The following LRP1B variants were observed in gnomAD, a reference collection of about 807,000 sequenced individuals.
LRP1B encodes the protein low-density lipoprotein receptor-related protein 1B.
In LRP1B, 217 loss-of-function variants were observed where a neutral mutation model predicts 556.6. The ratio of observed to expected loss-of-function variants is 0.39; its 90% confidence interval spans 0.35 to 0.44. LRP1B has a LOEUF of 0.44. Ranked by LOEUF, LRP1B falls within the 20% of genes least tolerant of loss-of-function variation. The pLI is 1.00. For missense variants in LRP1B, 5,053 were observed against 5,620.8 expected, an observed-to-expected ratio of 0.90 and a Z score of 3.23; for synonymous variants, 2,047 against 1,865.8, an observed-to-expected ratio of 1.10 and a Z score of -2.50.
At chr2:141,635,669 T>C (rs1689086472) in intron 2 of LRP1B, among the ~76,000 whole-genome samples, 1 of 152,200 alleles carries the variant, frequency 6.6e-6, no homozygotes, top group African/African-American at 2.4e-5. Context: ...CATATAGCCT[T>C]GTAGAGTAAC....
chr2:141,826,354 GTTTT>G (rs70994454), intron 1 of LRP1B, among the ~76,000 whole-genome samples: 1 of 97,072 alleles, frequency 1.0e-5, no homozygotes. Context: ...CTTTTCAGAA[GTTTT>G]TTTTTTTTTT....
chr2:141,282,257 T>C (rs1685537315), intron 3 of LRP1B, among the ~76,000 whole-genome samples: 1 of 151,978 alleles, frequency 6.6e-6, no homozygotes. Context: ...GTTAATAATA[T>C]AAATAAAACA....
rs765255791 is a variant in LRP1B at position 140,770,886 on chromosome 2, C to T, written c.5621G>A (p.Cys1874Tyr). Reference sequence around the variant, plus strand: ...GGTTTTTCATGAACTCATACCTTGACATGACATACGGTTCTTTTGGAGATA... The same window carrying T: ...GGTTTTTCATGAACTCATACCTTGATATGACATACGGTTCTTTTGGAGATA... ...GYYLQKNRMSCQGIESFLMYS... is the reference protein window; with the variant it reads ...GYYLQKNRMSYQGIESFLMYS... Residue 1874 changes from cysteine (C) to tyrosine (Y), a missense_variant, in exon 34 of 91, where the codon TGT (cysteine) becomes TAT (tyrosine). Physicochemically the swap from Cys to Tyr is radical, Grantham distance 194. Transcript: ENST00000389484. 8 of 1,554,526 alleles carry T rather than the reference C, an allele frequency of 5.1e-6. No homozygotes were observed. Among genetic ancestry groups the T allele is most frequent in the Non-Finnish European group, 8.6e-7 (1 of 1,157,756 alleles).
chr2:141,663,813 A>C (rs1474184856), intron 2 of LRP1B, among the ~76,000 whole-genome samples: 1 of 151,968 alleles, frequency 6.6e-6, no homozygotes, highest in African/African-American at 2.4e-5. Flanking sequence ...ACTGAAAAGA[A>C]GGGACTCCTC....
intron 41 of LRP1B, among the ~76,000 whole-genome samples, chr2:140,627,363 C>G (rs1428425407): frequency 6.6e-6 from 1 of 152,126 alleles, no homozygotes; most frequent in African/African-American, 2.4e-5. Context: ...CAGAGGAACG[C>G]AGAAGGACTA....
At chr2:140,349,075 A>G (rs973504266) in intron 77 of LRP1B, among the ~76,000 whole-genome samples, 4 of 152,080 alleles carry the variant, frequency 2.6e-5, no homozygotes, top group African/African-American at 9.7e-5. Flanking sequence ...CTGCTCTGAC[A>G]GGGTGCAGAG....
At chr2:140,311,609 TCACCACTA>T (rs1248024638) in intron 83 of LRP1B, among the ~76,000 whole-genome samples, 3 of 151,760 alleles carry the variant, frequency 2.0e-5, no homozygotes, top group Admixed American at 1.3e-4. Context: ...AGTCCAGACT[TCACCACTA>T]CACAATATAT....
intron 23 of LRP1B, among the ~76,000 whole-genome samples, chr2:140,893,630 G>A (rs564699967): frequency 1.3e-5 from 2 of 152,066 alleles, no homozygotes; most frequent in African/African-American, 2.4e-5. Flanking sequence ...ATACATGATC[G>A]TATTTTAGGT....
At chr2:140,246,757 T>C (rs953075698) in intron 87 of LRP1B, among the ~76,000 whole-genome samples, 1 of 151,500 alleles carries the variant, frequency 6.6e-6, no homozygotes, top group Non-Finnish European at 1.5e-5. Context: ...TTTTTCTTCC[T>C]GGAGCATTTT....
At chr2:140,635,935 T>TTATTCTTAG (rs945777364) in intron 41 of LRP1B, among the ~76,000 whole-genome samples, 1 of 152,136 alleles carries the variant, frequency 6.6e-6, no homozygotes, top group African/African-American at 2.4e-5. Context: ...CTATTTTAAG[T>TTATTCTTAG]TATTCTTAGT....
chr2:140,303,511 T>G (rs1233305153), intron 83 of LRP1B, among the ~76,000 whole-genome samples: 4 of 152,176 alleles, frequency 2.6e-5, no homozygotes, highest in East Asian at 1.9e-4. Flanking sequence ...CCTCCCAAAG[T>G]GCTGGGATTA....
At chr2:140,325,722 C>T (rs1573794594) in intron 80 of LRP1B, 40 bp downstream of exon 80, 3 of 1,318,564 alleles carry the variant, frequency 2.3e-6, no homozygotes, top group East Asian at 2.3e-5. Flanking sequence ...TTAACACTCT[C>T]AGTAACAATT....
At chr2:140,553,422 A>AACACACACACACAC (rs61540618) in intron 43 of LRP1B, among the ~76,000 whole-genome samples, 9 of 148,200 alleles carry the variant, frequency 6.1e-5, no homozygotes, top group African/African-American at 2.2e-4. Flanking sequence ...TTGTGCTCTT[A>AACACACACACACAC]ACACACACAC....
chr2:140,302,064 A>T (rs980223069), intron 83 of LRP1B, among the ~76,000 whole-genome samples: 1 of 152,076 alleles, frequency 6.6e-6, no homozygotes, highest in Non-Finnish European at 1.5e-5. Flanking sequence ...TAGCTGGAAG[A>T]TCTTTCTCCA....
chr2:141,552,036 T>C lies in LRP1B; in HGVS notation c.206-71503A>G, dbSNP rs1021996139. 5.3e-5 allele frequency among the ~76,000 whole-genome samples: 8 copies of C among 152,214 alleles called. No individual in the cohort carries two copies. The South Asian group carries it at 1.7e-3, about 32-fold the overall frequency. Reference sequence around the variant, plus strand: ...AATTGTGAGAATAATCACAGTGTGATATTTAATACAAAATCTTTTTTAAAT... The same window carrying C: ...AATTGTGAGAATAATCACAGTGTGACATTTAATACAAAATCTTTTTTAAAT... On this transcript the variant is annotated intron_variant, in intron 2 of 90. Coordinates refer to ENST00000389484, the MANE Select transcript of LRP1B (RefSeq NM_018557.3).
At chr2:140,492,545 C>T (rs1688746137) in intron 57 of LRP1B, 63 bp downstream of exon 57, 2 of 1,024,504 alleles carry the variant, frequency 2.0e-6, no homozygotes, top group Non-Finnish European at 2.9e-6. Flanking sequence ...GGTAGTTCTA[C>T]AGCTCTAACA....
At chr2:141,573,418 C>A (rs1263912520) in intron 2 of LRP1B, among the ~76,000 whole-genome samples, 2 of 151,804 alleles carry the variant, frequency 1.3e-5, no homozygotes, top group Non-Finnish European at 1.5e-5. Context: ...GACAATGTAC[C>A]AGAATTTCTG....
intron 43 of LRP1B, among the ~76,000 whole-genome samples, chr2:140,559,132 T>C (rs1023289733): frequency 6.6e-6 from 1 of 152,116 alleles, no homozygotes; most frequent in African/African-American, 2.4e-5. Context: ...ACAAGGACAA[T>C]TGAACATGTT....
intron 9 of LRP1B, among the ~76,000 whole-genome samples, chr2:141,056,342 T>C (rs1315003000): frequency 6.6e-6 from 1 of 151,732 alleles, no homozygotes; most frequent in Non-Finnish European, 1.5e-5. Flanking sequence ...AACATGCAAA[T>C]ATACCATTAT....
Sources: allele counts gnomAD v4.1 joint callset (sites outside exome capture counted in the v4.1 genomes callset), GRCh38; gene constraint gnomAD v4.1.1; transcripts MANE v1.5; gene names NCBI Gene and HGNC (gene_info 2026-07-23, HGNC 2026-07-21).